IPO5: variants seen among roughly 807,000 people sequenced by gnomAD.
IPO5 encodes the protein importin 5, also known as importin-5.
Under a neutral mutation model 143.3 loss-of-function variants are expected in IPO5, and 18 were observed. The ratio of observed to expected loss-of-function variants is 0.13; its 90% CI spans 0.09 to 0.19. The LOEUF (loss-of-function observed/expected upper bound fraction) is 0.19. Among genes scored for constraint, IPO5 ranks in the 10% least tolerant of loss-of-function variants. IPO5 has a pLI of 1.00. For missense variants in IPO5, 1,013 were observed against 1,336.9 expected (o/e 0.76, Z 3.78); for synonymous variants, 477 against 465.7 (o/e 1.02, Z -0.31).
intron 4 of IPO5, chr13:97,977,019 G>A: frequency 4.9e-6 from 1 of 205,552 alleles, no homozygotes. Flanking sequence ...GCCGCCGCTC[G>A]CACCCACGTG....
intron 5 of IPO5, among the ~76,000 whole-genome samples, chr13:97,983,444 T>C (rs1718555979): frequency 6.6e-6 from 1 of 152,062 alleles, no homozygotes; most frequent in Non-Finnish European, 1.5e-5. Flanking sequence ...TGTTTTAATT[T>C]TAAGAATTAC....
chr13:98,021,325 T>C, intron 28 of IPO5, 192 bp downstream of exon 28: 1 of 436,674 alleles, frequency 2.3e-6, no homozygotes, highest in Non-Finnish European at 3.9e-6. Flanking sequence ...TTTATTAGAA[T>C]TAAAACCTTC....
intron 5 of IPO5, among the ~76,000 whole-genome samples, chr13:97,983,502 C>T (rs950416934): frequency 6.6e-6 from 1 of 151,212 alleles, no homozygotes; most frequent in East Asian, 1.9e-4. Context: ...TTTATAGTTT[C>T]CTACTACTGA....
At chr13:98,006,488 C>T in intron 17 of IPO5, 140 bp downstream of exon 17, 2 of 560,826 alleles carry the variant, frequency 3.6e-6, no homozygotes, top group Non-Finnish European at 6.0e-6. Flanking sequence ...CATTCTCCTG[C>T]CTCAGCCTCC....
chr13:97,982,433 A>C, intron 4 of IPO5, 70 bp from the exon 5 acceptor site: 1 of 1,027,920 alleles, frequency 9.7e-7, no homozygotes, highest in Non-Finnish European at 1.5e-6. Flanking sequence ...CCCACTGTTT[A>C]TTTCTTTCAC....
chr13:97,990,344 TAAAG>T, intron 8 of IPO5, 85 bp from the exon 9 acceptor site: 1 of 1,184,074 alleles, frequency 8.4e-7, no homozygotes, highest in East Asian at 2.4e-5. Context: ...GTTTTACTGA[TAAAG>T]AATAATTTGA....
At chr13:97,981,518 C>A in intron 4 of IPO5, 1 of 251,764 alleles carries the variant, frequency 4.0e-6, no homozygotes. Context: ...TGTTTTTCCT[C>A]CCTTGTCACT....
At chr13:97,997,831 T>C (rs1161557514) in intron 12 of IPO5, among the ~76,000 whole-genome samples, 1 of 152,226 alleles carries the variant, frequency 6.6e-6, no homozygotes, top group Admixed American at 6.5e-5. Flanking sequence ...TTTATGTTTC[T>C]TGGAAGTTCA....
At chr13:98,004,020 C>T (rs1433480060) in intron 16 of IPO5, among the ~76,000 whole-genome samples, 3 of 152,114 alleles carry the variant, frequency 2.0e-5, no homozygotes, top group African/African-American at 7.2e-5. Context: ...GATGTTAGTC[C>T]AGCACAGTGT....
At chr13:97,997,264 C>G (rs1325393852) in intron 11 of IPO5, among the ~76,000 whole-genome samples, 4 of 152,204 alleles carry the variant, frequency 2.6e-5, no homozygotes, top group Non-Finnish European at 4.4e-5. Context: ...GATGTTGCTT[C>G]TTACCTCTGG....
intron 2 of IPO5, among the ~76,000 whole-genome samples, chr13:97,954,975 C>T (rs531138943): frequency 3.2e-4 from 48 of 152,252 alleles, no homozygotes; most frequent in Non-Finnish European, 5.0e-4. Context: ...CACCTATAAT[C>T]CCAGCACTTT....
At chr13:97,967,247 T>C (rs1033531911) in intron 2 of IPO5, among the ~76,000 whole-genome samples, 3 of 152,206 alleles carry the variant, frequency 2.0e-5, no homozygotes, top group African/African-American at 7.2e-5. Flanking sequence ...ATGTCTCCTC[T>C]TTCATTCCTG....
At chr13:98,009,109 G>C (rs1423393229) in intron 18 of IPO5, among the ~76,000 whole-genome samples, 2 of 152,170 alleles carry the variant, frequency 1.3e-5, no homozygotes, top group African/African-American at 4.8e-5. Flanking sequence ...GCTCACCTTT[G>C]TATCAGCCAG....
intron 2 of IPO5, among the ~76,000 whole-genome samples, chr13:97,961,297 A>C (rs919464584): frequency 3.9e-5 from 6 of 152,144 alleles, no homozygotes; most frequent in Non-Finnish European, 7.3e-5. Context: ...TTCATGTACA[A>C]GTTTTTGTGT....
chr13:98,020,454 C>A (rs947277987), intron 27 of IPO5, among the ~76,000 whole-genome samples: 1 of 152,220 alleles, frequency 6.6e-6, no homozygotes, highest in African/African-American at 2.4e-5. Context: ...AGCCATCCTG[C>A]AGACTACATA....
At chr13:98,010,460 T>TA (rs1466102128) in intron 20 of IPO5, among the ~76,000 whole-genome samples, 2 of 152,172 alleles carry the variant, frequency 1.3e-5, no homozygotes, top group Non-Finnish European at 2.9e-5. Flanking sequence ...GAAGATGAAT[T>TA]ACTGTGCCTT....
In IPO5 at chr13:98,001,602, C is replaced by T. The variant is rs138921886; in HGVS notation, c.1109-865C>T. The T allele has an allele frequency of 2.6e-3, 389 of 152,414 alleles. 7 individuals carry two copies. The highest frequency in any genetic ancestry group is 1.9e-3 in the East Asian group (10 of 5,176). 9.4% of individuals were successfully genotyped at this position (152,414 alleles called of 1,614,324 possible). On this transcript the variant is annotated intron_variant, in intron 13 of 28. Coordinates refer to ENST00000651721, the MANE Select transcript of IPO5 (RefSeq NM_002271.6). The stretch of plus-strand genomic sequence containing the variant: ...AAGCAATTCTCCTGTCTCTGCCTCC[C>T]AAGTAGCTGGGATTACAGGCATACA...
chr13:97,986,361 T>TA (rs200080951), intron 6 of IPO5, among the ~76,000 whole-genome samples: 1,551 of 133,684 alleles, frequency 0.012, 29 homozygotes, highest in African/African-American at 0.036. Flanking sequence ...TATATATATA[T>TA]TTTTTTTTTT....
intron 12 of IPO5, among the ~76,000 whole-genome samples, chr13:97,998,238 G>A (rs1377043395): frequency 6.6e-6 from 1 of 152,230 alleles, no homozygotes; most frequent in Non-Finnish European, 1.5e-5. Context: ...GCCTCCCAAA[G>A]TGCTGGGATT....
Sources: allele counts gnomAD v4.1 joint callset (sites outside exome capture counted in the v4.1 genomes callset), GRCh38; gene constraint gnomAD v4.1.1; transcripts MANE v1.5; gene names NCBI Gene and HGNC (gene_info 2026-07-23, HGNC 2026-07-21).